CFB: variants seen among roughly 807,000 people sequenced by gnomAD.
The protein encoded by CFB is B-factor, properdin.
A neutral mutation model predicts 97.2 loss-of-function variants in CFB; 59 were observed. The observed-to-expected ratio is 0.61, with a 90% CI of 0.49 to 0.75. The LOEUF (loss-of-function observed/expected upper bound fraction) is 0.75, where lower values mean the gene tolerates loss of function less well. Ranked by LOEUF, CFB falls within the 30% of genes least tolerant of loss-of-function variation. CFB has a pLI of 0.00. For missense variants in CFB, 771 were observed against 959.8 expected (o/e 0.80, Z 2.60); for synonymous variants, 316 against 351.7 (o/e 0.90, Z 1.14).
At position 31,946,657 on chromosome 6, in the gene CFB, C is replaced by A. The variant is rs772579464; in HGVS notation, c.298+51C>A. ...TGGCCTAAGGCAGAAACAGGGCAGG[C>A]GGCAGCAAGGTCAGGACTAGGATGA... On this transcript the variant is annotated intron_variant, in intron 2 of 17. Transcript: ENST00000425368. The surrounding 1 kb of genome is among the most constrained non-coding windows in gnomAD (Gnocchi z 6.4). 1 of 1,526,524 alleles carries A rather than the reference C, an allele frequency of 6.6e-7. No individual in the cohort carries two copies. The highest frequency in any genetic ancestry group is 8.9e-7 in the Non-Finnish European group (1 of 1,119,436). 94.6% of individuals were successfully genotyped at this position (1,526,524 alleles called of 1,614,324 possible). A position where few individuals can be genotyped will look rare whatever the true frequency, so the allele number is the denominator to read the frequency against.
chr6:31,946,141 A>G lies in CFB; in HGVS notation c.-81A>G. The G allele has an allele frequency of 6.2e-6, 9 of 1,441,388 alleles. No individual in the cohort carries two copies. Among genetic ancestry groups the G allele is most frequent in the South Asian group, 5.7e-5 (5 of 87,590 alleles). The allele number at this position is 1,441,388 out of a possible 1,614,324, so 89.3% of individuals were successfully genotyped here. On this transcript the variant is annotated 5_prime_UTR_variant, in exon 1 of 18. Transcript: ENST00000425368. This position sits in a 1 kb window ranked among gnomAD's most constrained non-coding sequence, Gnocchi z 6.4. ...CTAGGTCTGGAGTTTCAGCTTGGACACTGAGCCAAGCAGACAAGCAAAGCA... is the reference window on the plus strand; with the variant it reads ...CTAGGTCTGGAGTTTCAGCTTGGACGCTGAGCCAAGCAGACAAGCAAAGCA...
At position 31,949,301 on chromosome 6, in the gene CFB, A is replaced by G. The variant is rs761050063; in HGVS notation, c.1227A>G (p.Leu409=). ...ITVIDEIRDL[L]YIGKDRKNPR... ...TCATTGATGAGATCCGGGACTTGCT[A>G]TACATTGGCAAGGATCGCAAAAACC... Residue 409 remains leucine, a synonymous_variant, in exon 9 of 18, where the codon CTA becomes CTG. Transcript: ENST00000425368. 8.7e-6 allele frequency: 14 copies of G among 1,614,148 alleles called. No individual in the cohort carries two copies. The highest frequency in any genetic ancestry group is 3.4e-6 in the Non-Finnish European group (4 of 1,180,024).
chr6:31,947,839 C>G lies in CFB; in HGVS notation c.756C>G (p.Gly252=). 1.2e-6 allele frequency: 2 copies of G among 1,613,844 alleles called. No individual in the cohort carries two copies. Among genetic ancestry groups the G allele is most frequent in the East Asian group, 4.5e-5 (2 of 44,880 alleles). Residue 252 remains glycine (G), a synonymous_variant, in exon 5 of 18, where the codon GGC becomes GGG. Coordinates refer to ENST00000425368, the MANE Select transcript of CFB (RefSeq NM_001710.6). This position sits in a 1 kb window ranked among gnomAD's most constrained non-coding sequence, Gnocchi z 5.3. ...GAGTCGATGCTGAGGATGGGCACGGCCCAGGTTTGAAGACAGAGAAGGGAG... is the reference window on the plus strand; with the variant it reads ...GAGTCGATGCTGAGGATGGGCACGGGCCAGGTTTGAAGACAGAGAAGGGAG... ...IEGVDAEDGH[G]PGEQQKRKIV...
At position 31,951,173 on chromosome 6, in the gene CFB, A is replaced by G; in HGVS notation, c.1885A>G (p.Lys629Glu). 6.2e-7 allele frequency: 1 copy of G among 1,613,074 alleles called. No individual in the cohort carries two copies. Among genetic ancestry groups the G allele is most frequent in the Non-Finnish European group, 8.5e-7 (1 of 1,180,004 alleles). ...AGAGCTGCTCCCTGCACAGGATATCAAAGCTCTGTTTGTGTCTGAGGAGGA... is the reference window on the plus strand; with the variant it reads ...AGAGCTGCTCCCTGCACAGGATATCGAAGCTCTGTTTGTGTCTGAGGAGGA... Reference protein sequence around the residue: ...KEELLPAQDIKALFVSEEEKK... With the variant: ...KEELLPAQDIEALFVSEEEKK... Residue 629 changes from lysine to glutamate, a missense_variant, in exon 15 of 18, where the codon AAA becomes GAA. Lys to Glu is a moderately conservative substitution (Grantham distance 56). Coordinates refer to ENST00000425368, the MANE Select transcript of CFB (RefSeq NM_001710.6). This position sits in a 1 kb window ranked among gnomAD's most constrained non-coding sequence, Gnocchi z 4.3.
Position 31,951,632 on chromosome 6 carries a change from G to A in CFB, c.2139+28G>A. On this transcript the variant is annotated intron_variant, in intron 17 of 17. Transcript: ENST00000425368. This position sits in a 1 kb window ranked among gnomAD's most constrained non-coding sequence, Gnocchi z 4.3. ...GAGTCCTCCCTTTCCTATCTGGGGA[G>A]ATGCCAAGTGGTCAGCATGGGCCCC... 6.2e-7 allele frequency: 1 copy of A among 1,614,062 alleles called. No homozygotes were observed. The highest frequency in any genetic ancestry group is 8.5e-7 in the Non-Finnish European group (1 of 1,179,926).
At position 31,951,919 on chromosome 6, in the gene CFB, G is replaced by C; in HGVS notation, c.2184G>C (p.Gln728His). The part of the protein sequence containing the change: ...SWGVVDVCKN[Q>H]KRQKQVPAHA... ...GAGTAGTGGATGTCTGCAAAAACCA[G>C]AAGCGGCAAAAGCAGGTACCTGCTC... Residue 728 changes from glutamine to histidine, a missense_variant, in exon 18 of 18, where the codon CAG becomes CAC. Physicochemically the swap from Gln to His is conservative, Grantham distance 24. Coordinates refer to ENST00000425368, the MANE Select transcript of CFB (RefSeq NM_001710.6). This position sits in a 1 kb window ranked among gnomAD's most constrained non-coding sequence, Gnocchi z 4.3. 1 of 1,613,142 alleles carries C rather than the reference G, an allele frequency of 6.2e-7. No homozygotes were observed. Among genetic ancestry groups the C allele is most frequent in the Non-Finnish European group, 8.5e-7 (1 of 1,180,048 alleles).
rs1771764969 is a variant in CFB at position 31,951,457 on chromosome 6, C to T, written c.2073C>T (p.Asp691=). ...LCTGGVSPYA[D]PNTCRGDSGG... ...CTGGAGGAGTGAGTCCCTATGCTGACCCCAATACTTGCAGAGGTGAGAGAA... is the reference window on the plus strand; with the variant it reads ...CTGGAGGAGTGAGTCCCTATGCTGATCCCAATACTTGCAGAGGTGAGAGAA... Residue 691 remains aspartate, a synonymous_variant, in exon 16 of 18, where the codon GAC becomes GAT. Transcript: ENST00000425368. The surrounding 1 kb of genome is among the most constrained non-coding windows in gnomAD (Gnocchi z 4.3). 6.2e-7 allele frequency: 1 copy of T among 1,614,108 alleles called. No homozygotes were observed. Among genetic ancestry groups the T allele is most frequent in the African/African-American group, 1.3e-5 (1 of 74,932 alleles).
rs1217858797 is a variant in CFB, at chr6:31,951,650, T to C, written c.2139+46T>C. 1.2e-6 allele frequency: 2 copies of C among 1,613,018 alleles called. No homozygotes were observed. Among genetic ancestry groups the C allele is most frequent in the Non-Finnish European group, 1.7e-6 (2 of 1,178,976 alleles). On this transcript the variant is annotated intron_variant, in intron 17 of 17. Transcript: ENST00000425368. This position sits in a 1 kb window ranked among gnomAD's most constrained non-coding sequence, Gnocchi z 4.3. ...CTGGGGAGATGCCAAGTGGTCAGCA[T>C]GGGCCCCAAAGCAGGAAAGCTCAAT...
rs1418523268 is a variant in CFB at position 31,946,836 on chromosome 6, G to A, written c.299-171G>A. The A allele has an allele frequency of 1.0e-5, 8 of 801,638 alleles. No homozygotes were observed. The East Asian group carries it at 1.6e-4, about 16-fold the overall frequency. The allele number at this position is 801,638 out of a possible 1,614,324, so 49.7% of individuals were successfully genotyped here. A position where few individuals can be genotyped will look rare whatever the true frequency, so the allele number is the denominator to read the frequency against. On this transcript the variant is annotated intron_variant, in intron 2 of 17. Transcript: ENST00000425368. This position sits in a 1 kb window ranked among gnomAD's most constrained non-coding sequence, Gnocchi z 6.4. ...GGAAGTCAAGAGAACACTCAGAAAT[G>A]GGGAGGGAGAAGCAGTGGAAATCCA...
In CFB at chr6:31,949,799, G is replaced by A. The variant is rs530325253; in HGVS notation, c.1408+242G>A. On this transcript the variant is annotated intron_variant, in intron 10 of 17. Coordinates refer to ENST00000425368, the MANE Select transcript of CFB (RefSeq NM_001710.6). ...TTGACACGTGGAAACAGAAGCCAAAGGAGGTCAAGGGACAGCAAGTTAGCA... is the reference window on the plus strand; with the variant it reads ...TTGACACGTGGAAACAGAAGCCAAAAGAGGTCAAGGGACAGCAAGTTAGCA... 2.0e-4 allele frequency: 134 copies of A among 685,072 alleles called. No homozygotes were observed. In the Middle Eastern group the frequency reaches 2.8e-3, roughly 14 times the overall value. 42.4% of individuals were successfully genotyped at this position (685,072 alleles called of 1,614,324 possible). A position where few individuals can be genotyped will look rare whatever the true frequency, so the allele number is the denominator to read the frequency against.
rs571551563 is a variant in CFB, at chr6:31,947,245, C to T, written c.484+53C>T. ...GCTGTCTCCCTGACGGCGCCCAGCC[C>T]GAGGAGTGGGCACTCGGCTCCGGAC... On this transcript the variant is annotated intron_variant, in intron 3 of 17. Coordinates refer to ENST00000425368, the MANE Select transcript of CFB (RefSeq NM_001710.6). This position sits in a 1 kb window ranked among gnomAD's most constrained non-coding sequence, Gnocchi z 5.3. The T allele has an allele frequency of 5.5e-5, 89 of 1,611,378 alleles. No individual in the cohort carries two copies. The highest frequency in any genetic ancestry group is 2.0e-4 in the African/African-American group (15 of 75,012).
At position 31,951,657 on chromosome 6, in the gene CFB, C is replaced by G. The variant is rs146107486; in HGVS notation, c.2139+53C>G. ...GATGCCAAGTGGTCAGCATGGGCCC[C>G]AAAGCAGGAAAGCTCAATGCATGTG... On this transcript the variant is annotated intron_variant, in intron 17 of 17. Coordinates refer to ENST00000425368, the MANE Select transcript of CFB (RefSeq NM_001710.6). This position sits in a 1 kb window ranked among gnomAD's most constrained non-coding sequence, Gnocchi z 4.3. The G allele has an allele frequency of 5.0e-6, 8 of 1,611,116 alleles. No individual in the cohort carries two copies. The highest frequency in any genetic ancestry group is 6.8e-6 in the Non-Finnish European group (8 of 1,177,252).
Position 31,946,160 on chromosome 6 carries a change from C to A in CFB, c.-62C>A. 6.3e-7 allele frequency: 1 copy of A among 1,575,070 alleles called. No individual in the cohort carries two copies. The highest frequency in any genetic ancestry group is 8.7e-7 in the Non-Finnish European group (1 of 1,145,618). On this transcript the variant is annotated 5_prime_UTR_variant, in exon 1 of 18. Coordinates refer to ENST00000425368, the MANE Select transcript of CFB (RefSeq NM_001710.6). This position sits in a 1 kb window ranked among gnomAD's most constrained non-coding sequence, Gnocchi z 6.4. ...TTGGACACTGAGCCAAGCAGACAAG[C>A]AAAGCAAGCCAGGACACACCATCCT...
In CFB at chr6:31,946,869, T is replaced by C. The variant is rs2151781005; in HGVS notation, c.299-138T>C. 6 of 902,122 alleles carry C rather than the reference T, an allele frequency of 6.7e-6. No homozygotes were observed. The South Asian group carries it at 8.4e-5, about 13-fold the overall frequency. 55.9% of individuals were successfully genotyped at this position (902,122 alleles called of 1,614,324 possible). Reference sequence around the variant, plus strand: ...AGAAGCAGTGGAAATCCATATGGGTTGAGGAGTAGGTAAGATGCTGCTTCT... The same window carrying C: ...AGAAGCAGTGGAAATCCATATGGGTCGAGGAGTAGGTAAGATGCTGCTTCT... On this transcript the variant is annotated intron_variant, in intron 2 of 17. Transcript: ENST00000425368. The surrounding 1 kb of genome is among the most constrained non-coding windows in gnomAD (Gnocchi z 6.4).
chr6:31,947,752 G>A lies in CFB; in HGVS notation c.669G>A (p.Met223Ile), dbSNP rs759983100. The A allele has an allele frequency of 3.1e-6, 5 of 1,612,954 alleles. No individual in the cohort carries two copies. The African/African-American group carries it at 6.7e-5, about 22-fold the overall frequency. ...GTEPSCQDSF[M>I]YDTPQEVAEA... ...TTCTGACTCTCCCAGACTCCTTCAT[G>A]TACGACACCCCTCAAGAGGTGGCCG... The change falls in exon 5 of 18, where the codon ATG (methionine) becomes ATA (isoleucine). Residue 223 changes from methionine (M) to isoleucine (I), a missense_variant. Met to Ile is a conservative substitution (Grantham distance 10). Coordinates refer to ENST00000425368, the MANE Select transcript of CFB (RefSeq NM_001710.6). This position sits in a 1 kb window ranked among gnomAD's most constrained non-coding sequence, Gnocchi z 5.3.
chr6:31,948,718 A>C (rs1310403576), intron 7 of CFB, 112 bp from the exon 8 acceptor site: 1 of 1,571,320 alleles, frequency 6.4e-7, no homozygotes, highest in African/African-American at 1.4e-5. Context: ...CCGTGTAATG[A>C]TGATTAACTT....
rs1317672665 is a variant in CFB at position 31,947,683 on chromosome 6, CTT to C, written c.659-57_659-56del. The C allele has an allele frequency of 1.4e-5, 23 of 1,594,154 alleles. No individual in the cohort carries two copies. Among genetic ancestry groups the C allele is most frequent in the Non-Finnish European group, 1.6e-5 (19 of 1,163,126 alleles). On this transcript the variant is annotated intron_variant, in intron 4 of 17. Transcript: ENST00000425368. The surrounding 1 kb of genome is among the most constrained non-coding windows in gnomAD (Gnocchi z 5.3). ...CCTGGAAACCCATGATCCCCCGTCT[CTT>C]TGGTCACTGTATCCCTGACACTCCC...
chr6:31,948,640 G>A (rs1001592051), intron 7 of CFB, 128 bp downstream of exon 7: 49 of 1,521,536 alleles, frequency 3.2e-5, no homozygotes, highest in African/African-American at 1.6e-4. Flanking sequence ...CAGCAGGATC[G>A]TTGGGCAATG....
chr6:31,949,856 T>C, intron 10 of CFB, 194 bp from the exon 11 acceptor site: 1 of 715,890 alleles, frequency 1.4e-6, no homozygotes, highest in Non-Finnish European at 2.4e-6. Flanking sequence ...GCCAGGCCTC[T>C]GACAGCTTGA....
Sources: allele counts gnomAD v4.1 joint callset, GRCh38; gene constraint gnomAD v4.1.1; non-coding constraint Gnocchi (gnomAD v3.1); transcripts MANE v1.5; gene names NCBI Gene and HGNC (gene_info 2026-07-23, HGNC 2026-07-21).